Variants in RAD51B observed in about 807,000 individuals in gnomAD.
The protein encoded by RAD51B is DNA repair protein RAD51 homolog 2.
RAD51B carries 38 observed loss-of-function variants against 42.2 expected under a neutral mutation model. The ratio of observed to expected loss-of-function variants is 0.90; its 90% CI spans 0.70 to 1.18. The LOEUF (loss-of-function observed/expected upper bound fraction) is 1.18, where lower values mean the gene tolerates loss of function less well. Among genes scored for constraint, RAD51B ranks in the 50% most tolerant of loss-of-function variants. The pLI is 0.00. For missense variants in RAD51B, 373 were observed against 400.7 expected, an observed-to-expected ratio of 0.93 and a Z score of 0.59; for synonymous variants, 154 against 145.2, an observed-to-expected ratio of 1.06 and a Z score of -0.43.
chr14:68,139,074 C>T (rs1250556474), intron 7 of RAD51B, among the ~76,000 whole-genome samples: 2 of 151,922 alleles, frequency 1.3e-5, no homozygotes, highest in Non-Finnish European at 2.9e-5. Flanking sequence ...TTTTAAAAAT[C>T]ACTTGAAACC....
Position 68,455,099 on chromosome 14 carries a change from T to A in RAD51B, c.958-13073T>A, listed in dbSNP as rs977205631. Among the ~76,000 whole-genome samples the A allele has an allele frequency of 2.4e-4, 36 of 152,206 alleles. 1 individual carries two copies. The highest frequency in any genetic ancestry group is 8.4e-4 in the African/African-American group (35 of 41,450). On this transcript the variant is annotated intron_variant, in intron 9 of 10. Transcript: ENST00000471583. ...GAAAGATTTACTGATTCACAGCATT[T>A]AAGGAAATCTGTCATGTCATTAGTG...
chr14:68,573,301 G>A (rs1365172070), intron 10 of RAD51B, among the ~76,000 whole-genome samples: 4 of 151,876 alleles, frequency 2.6e-5, no homozygotes, highest in African/African-American at 4.8e-5. Context: ...GTGCCCCCTC[G>A]CACTCTCCTC....
At chr14:68,230,419 T>C (rs1463554193) in intron 7 of RAD51B, among the ~76,000 whole-genome samples, 1 of 152,194 alleles carries the variant, frequency 6.6e-6, no homozygotes, top group Non-Finnish European at 1.5e-5. Context: ...AACATCTTTA[T>C]TGTTTGACTA....
intron 11 of RAD51B, among the ~76,000 whole-genome samples, chr14:68,652,228 G>A (rs1455641996): frequency 1.3e-5 from 2 of 152,336 alleles, no homozygotes; most frequent in East Asian, 1.9e-4. Context: ...CCCGCAGTCT[G>A]CGCTCCAGAT....
intron 8 of RAD51B, among the ~76,000 whole-genome samples, chr14:68,362,797 TGA>T (rs1377643986): frequency 1.3e-5 from 2 of 151,434 alleles, no homozygotes; most frequent in Admixed American, 1.3e-4. Context: ...TGCAGTGAGC[TGA>T]GATTGTGCCG....
At chr14:68,648,020 T>TATATATAC (rs1345937039) in intron 10 of RAD51B, among the ~76,000 whole-genome samples, 6 of 91,204 alleles carry the variant, frequency 6.6e-5, no homozygotes, top group Non-Finnish European at 1.1e-4. Context: ...TATATATATA[T>TATATATAC]ACGTATATAT....
chr14:68,255,044 T>C (rs1429172301), intron 7 of RAD51B, among the ~76,000 whole-genome samples: 1 of 152,338 alleles, frequency 6.6e-6, no homozygotes, highest in African/African-American at 2.4e-5. Flanking sequence ...CCTTTTCCTC[T>C]TTTTCACTTA....
chr14:68,184,026 G>A lies in RAD51B; in HGVS notation c.757-107858G>A, dbSNP rs1474102690. Among the ~76,000 whole-genome samples the A allele has an allele frequency of 1.3e-4, 20 of 149,100 alleles. No individual in the cohort carries two copies. The Admixed American group carries it at 1.3e-3, about 10-fold the overall frequency. On this transcript the variant is annotated intron_variant, in intron 7 of 10. Coordinates refer to ENST00000471583, the MANE Select transcript of RAD51B (RefSeq NM_133510.4). ...GAGAATGGCATGAACCTGGGAGACAGAGCTTGCAGTGAGCGGAGATCACGC... is the reference window on the plus strand; with the variant it reads ...GAGAATGGCATGAACCTGGGAGACAAAGCTTGCAGTGAGCGGAGATCACGC...
At chr14:68,645,229 G>T (rs909866028) in intron 10 of RAD51B, among the ~76,000 whole-genome samples, 1 of 152,078 alleles carries the variant, frequency 6.6e-6, no homozygotes, top group African/African-American at 2.4e-5. Flanking sequence ...TAAGTATCTC[G>T]TGAGTGGAAT....
chr14:68,453,928 G>A (rs1306777017), intron 9 of RAD51B, among the ~76,000 whole-genome samples: 1 of 152,168 alleles, frequency 6.6e-6, no homozygotes, highest in Non-Finnish European at 1.5e-5. Context: ...TAGAGATAAT[G>A]TGAGACTCAA....
intron 7 of RAD51B, among the ~76,000 whole-genome samples, chr14:68,045,236 CAAAAAAAAAAAAAAA>C (rs537073885): frequency 9.1e-5 from 2 of 22,080 alleles, no homozygotes; most frequent in South Asian, 2.6e-3. Flanking sequence ...AACTCTGTCT[CAAAAAAAAAAAAAAA>C]AAAAAAAAAA....
chr14:68,380,659 C>G (rs2083461429), intron 8 of RAD51B, among the ~76,000 whole-genome samples: 1 of 152,222 alleles, frequency 6.6e-6, no homozygotes, highest in African/African-American at 2.4e-5. Flanking sequence ...TGGGCTGTGC[C>G]TGTGCCATAA....
At chr14:68,574,220 C>T (rs947986450) in intron 10 of RAD51B, among the ~76,000 whole-genome samples, 7 of 152,132 alleles carry the variant, frequency 4.6e-5, no homozygotes, top group Admixed American at 2.6e-4. Flanking sequence ...GCAATACTGC[C>T]GCCTCAGCCT....
intron 9 of RAD51B, among the ~76,000 whole-genome samples, chr14:68,412,456 G>A (rs975452785): frequency 6.6e-6 from 1 of 152,220 alleles, no homozygotes; most frequent in Admixed American, 6.5e-5. Flanking sequence ...GGAGAAAATG[G>A]CAGAAAAGCT....
At chr14:68,545,570 C>T (rs1022963028) in intron 10 of RAD51B, 4 of 455,884 alleles carry the variant, frequency 8.8e-6, no homozygotes, top group African/African-American at 8.0e-5. Context: ...GTGTGAGAAA[C>T]ATTTTGGAGA....
chr14:67,877,279 G>C (rs910660134), intron 5 of RAD51B, among the ~76,000 whole-genome samples: 9 of 152,070 alleles, frequency 5.9e-5, no homozygotes, highest in African/African-American at 2.2e-4. Flanking sequence ...AAGGAGCGGG[G>C]TATTATGATC....
At chr14:68,069,729 A>G (rs575939620) in intron 7 of RAD51B, 1 of 152,288 alleles carries the variant, frequency 6.6e-6, no homozygotes, top group African/African-American at 2.4e-5. Context: ...TATTGTGAAT[A>G]GTGCTGTGAT....
intron 7 of RAD51B, among the ~76,000 whole-genome samples, chr14:68,269,168 A>C (rs2081052669): frequency 6.6e-6 from 1 of 152,202 alleles, no homozygotes; most frequent in Non-Finnish European, 1.5e-5. Flanking sequence ...TGTTACAAAG[A>C]ACACAAAAGC....
intron 10 of RAD51B, among the ~76,000 whole-genome samples, chr14:68,586,421 T>C (rs2140068906): frequency 6.6e-6 from 1 of 152,306 alleles, no homozygotes; most frequent in South Asian, 2.1e-4. Context: ...GCCGATCGGT[T>C]CCAGATGCCC....
Sources: allele counts gnomAD v4.1 joint callset (sites outside exome capture counted in the v4.1 genomes callset), GRCh38; gene constraint gnomAD v4.1.1; transcripts MANE v1.5; gene names NCBI Gene and HGNC (gene_info 2026-07-23, HGNC 2026-07-21).